The following LPAR6 variants were observed in gnomAD, a reference collection of about 807,000 sequenced individuals.
LPAR6 encodes the protein G-protein coupled purinergic receptor P2Y5.
A neutral mutation model predicts 22.0 loss-of-function variants in LPAR6; 17 were observed. That is an observed-to-expected ratio of 0.77 (90% CI 0.53 to 1.16). LPAR6 has a LOEUF of 1.16. LPAR6 is among the 50% of genes most tolerant of loss of function. The probability of loss-of-function intolerance (pLI) is 0.00; values close to 1 mark genes in which losing one functional copy is unlikely to be tolerated. For synonymous variants in LPAR6, 136 were observed against 139.8 expected (o/e 0.97, Z 0.19); for missense variants, 384 against 406.9 (o/e 0.94, Z 0.48).
chr13:48,437,191 C>T (rs573138085), intron 1 of LPAR6, among the ~76,000 whole-genome samples: 2 of 152,092 alleles, frequency 1.3e-5, no homozygotes, highest in Non-Finnish European at 2.9e-5. Flanking sequence ...GACTAAGTAG[C>T]AAAACAGAGT....
At chr13:48,400,852 A>T (rs907517223) in intron 1 of LPAR6, among the ~76,000 whole-genome samples, 1 of 152,150 alleles carries the variant, frequency 6.6e-6, no homozygotes, top group Non-Finnish European at 1.5e-5. Flanking sequence ...TGATTTCATA[A>T]GAACAGAGAA....
intron 1 of LPAR6, among the ~76,000 whole-genome samples, chr13:48,398,012 A>G (rs1232781545): frequency 6.6e-6 from 1 of 152,220 alleles, no homozygotes; most frequent in African/African-American, 2.4e-5. Context: ...CAGGAAGGCA[A>G]GTGAATTGTA....
chr13:48,421,830 G>T (rs186759519), intron 2 of LPAR6, among the ~76,000 whole-genome samples: 35 of 152,190 alleles, frequency 2.3e-4, no homozygotes, highest in African/African-American at 8.2e-4. Flanking sequence ...ACCATCTCAT[G>T]GCCGTTAGAA....
chr13:48,414,560 T>C (rs1948876080), upstream of LPAR6, among the ~76,000 whole-genome samples: 1 of 152,112 alleles, frequency 6.6e-6, no homozygotes, highest in African/African-American at 2.4e-5. Flanking sequence ...TTTAATTTGG[T>C]CTAGTTTAAG....
upstream of LPAR6, among the ~76,000 whole-genome samples, chr13:48,430,020 A>G (rs1290051786): frequency 6.6e-6 from 1 of 152,200 alleles, no homozygotes; most frequent in Non-Finnish European, 1.5e-5. Context: ...TGTTTTTACA[A>G]GTTTGTTCAC....
chr13:48,423,346 C>G (rs2138251518), intron 1 of LPAR6, among the ~76,000 whole-genome samples: 2 of 152,176 alleles, frequency 1.3e-5, no homozygotes, highest in South Asian at 4.2e-4. Flanking sequence ...GCGATCTCGG[C>G]TCACTGCAAC....
chr13:48,412,537 T>C lies in LPAR6; in HGVS notation c.-114A>G. On this transcript the variant is annotated 5_prime_UTR_variant, in exon 1 of 1. Transcript: ENST00000620633. ...AATTTATTTGCAAATTATCTGGATC[T>C]TTGGATGGTTTTATAAATATTTCCT... 1.3e-6 allele frequency: 1 copy of C among 756,508 alleles called. No homozygotes were observed. The highest frequency in any genetic ancestry group is 2.4e-6 in the Non-Finnish European group (1 of 415,756). The allele number at this position is 756,508 out of a possible 1,614,324, so 46.9% of individuals were successfully genotyped here.
intron 1 of LPAR6, among the ~76,000 whole-genome samples, chr13:48,399,413 A>T (rs1221048135): frequency 6.6e-6 from 1 of 152,072 alleles, no homozygotes; most frequent in Non-Finnish European, 1.5e-5. Context: ...TTTAAGATAG[A>T]TAAGCAGAAA....
chr13:48,398,292 A>G (rs2804087), intron 1 of LPAR6, among the ~76,000 whole-genome samples: 137,847 of 152,142 alleles, frequency 0.91, 63,468 homozygotes, highest in East Asian at 1. Flanking sequence ...CTGACCCAAT[A>G]TATTCCTAAT....
At chr13:48,409,670 T>A (rs1036038762), downstream of LPAR6, among the ~76,000 whole-genome samples, 1 of 144,634 alleles carries the variant, frequency 6.9e-6, no homozygotes, top group East Asian at 2.2e-4. Flanking sequence ...AACCTCTGAC[T>A]CCTGGGTTCA....
At chr13:48,398,858 A>G (rs1948667996) in intron 1 of LPAR6, among the ~76,000 whole-genome samples, 1 of 152,148 alleles carries the variant, frequency 6.6e-6, no homozygotes, top group African/African-American at 2.4e-5. Context: ...TATCCTGAGT[A>G]ACAAGGGAAG....
chr13:48,436,678 T>C (rs926799285), intron 1 of LPAR6, among the ~76,000 whole-genome samples: 2 of 151,890 alleles, frequency 1.3e-5, no homozygotes, highest in African/African-American at 4.8e-5. Flanking sequence ...TCAGCCAGCA[T>C]ATGTATTGGC....
At chr13:48,436,927 A>G (rs576015634) in intron 1 of LPAR6, among the ~76,000 whole-genome samples, 1 of 152,258 alleles carries the variant, frequency 6.6e-6, no homozygotes, top group East Asian at 1.9e-4. Flanking sequence ...CACTTCCTCT[A>G]TTGTTAATTT....
At chr13:48,392,831 G>C (rs1948621569) in intron 1 of LPAR6, among the ~76,000 whole-genome samples, 1 of 151,922 alleles carries the variant, frequency 6.6e-6, no homozygotes, top group Non-Finnish European at 1.5e-5. Context: ...TTAGGTGCCA[G>C]ATATCATGAA....
intron 1 of LPAR6, among the ~76,000 whole-genome samples, chr13:48,395,662 C>T (rs189440730): frequency 3.3e-5 from 5 of 151,812 alleles, no homozygotes; most frequent in South Asian, 2.1e-4. Flanking sequence ...TGAAATAAAG[C>T]GTGATGACAA....
intron 1 of LPAR6, among the ~76,000 whole-genome samples, chr13:48,442,338 C>G (rs1949245913): frequency 1.3e-5 from 2 of 152,038 alleles, no homozygotes; most frequent in South Asian, 2.1e-4. Context: ...GTAGCTGGGA[C>G]TACAGGCGCA....
intron 1 of LPAR6, among the ~76,000 whole-genome samples, chr13:48,395,852 C>T (rs1948643840): frequency 6.6e-6 from 1 of 152,016 alleles, no homozygotes; most frequent in Admixed American, 6.6e-5. Flanking sequence ...ACAAAACAGG[C>T]CAACATTCAA....
At chr13:48,424,257 A>G (rs894239035) in intron 1 of LPAR6, 5 of 152,224 alleles carry the variant, frequency 3.3e-5, no homozygotes, top group Admixed American at 3.3e-4. Flanking sequence ...CTAGACTAGT[A>G]TTACCATAAG....
chr13:48,397,260 G>A (rs560043808), intron 1 of LPAR6, among the ~76,000 whole-genome samples: 2 of 152,224 alleles, frequency 1.3e-5, no homozygotes, highest in South Asian at 2.1e-4. Context: ...CCCATCAGTG[G>A]TAGACTGGAT....
Sources: gnomAD v4.1 joint callset for allele counts (sites outside exome capture counted in the v4.1 genomes callset) on GRCh38, gnomAD v4.1.1 for gene constraint, MANE v1.5 for transcripts, NCBI Gene and HGNC (gene_info 2026-07-23, HGNC 2026-07-21) for gene names.